Variants in DDX3X observed in about 807,000 individuals in gnomAD.
DDX3X encodes ATP-dependent RNA helicase DDX3X.
A neutral mutation model predicts 52.7 loss-of-function variants in DDX3X; 4 were observed. The ratio of observed to expected loss-of-function variants is 0.08; its 90% CI spans 0.04 to 0.17. The LOEUF (loss-of-function observed/expected upper bound fraction) is 0.17. DDX3X is among the 10% of genes least tolerant of loss of function. The probability of loss-of-function intolerance (pLI) is 1.00; values close to 1 mark genes in which losing one functional copy is unlikely to be tolerated. For missense variants in DDX3X, 222 were observed against 548.6 expected (o/e 0.40, Z 5.95); for synonymous variants, 192 against 178.1 (o/e 1.08, Z -0.62).
intron 1 of DDX3X, chrX:41,336,239 A>G (rs2063767673): frequency 8.9e-6 from 1 of 112,078 alleles, no homozygotes; most frequent in Non-Finnish European, 1.9e-5. Context: ...GAGAAAAATG[A>G]AACACTTTGC....
chrX:41,347,939 T>G lies in DDX3X; in HGVS notation c.*220T>G, dbSNP rs1216762770. The G allele has an allele frequency of 1.6e-5, 6 of 371,661 alleles. No homozygotes were observed. Among genetic ancestry groups the G allele is most frequent in the Non-Finnish European group, 2.8e-5 (6 of 217,003 alleles). 30.6% of individuals were successfully genotyped at this position (371,661 alleles called of 1,213,427 possible). ...AGGTGGTTTGAAGACTTCATTGCTGTAGTTTGGATTAACTCCCCTCCCGCC... is the reference window on the plus strand; with the variant it reads ...AGGTGGTTTGAAGACTTCATTGCTGGAGTTTGGATTAACTCCCCTCCCGCC... On this transcript the variant is annotated 3_prime_UTR_variant, in exon 17 of 17. Transcript: ENST00000644876.
rs1028310821 is a variant in DDX3X at position 41,349,769 on chromosome X, G to A, written c.*2050G>A. The stretch of plus-strand genomic sequence containing the variant: ...TTCTGATGTTAGTAAAAACAAAATT[G>A]GCGACTTGAAATTAAATCATGCCAA... On this transcript the variant is annotated 3_prime_UTR_variant, in exon 17 of 17. Coordinates refer to ENST00000644876, the MANE Select transcript of DDX3X (RefSeq NM_001356.5). The A allele has an allele frequency of 1.8e-5, 2 of 111,698 alleles. No homozygotes were observed. The highest frequency in any genetic ancestry group is 6.5e-5 in the African/African-American group (2 of 30,674). The allele number at this position is 111,698 out of a possible 1,213,427, so 9.2% of individuals were successfully genotyped here. A position where few individuals can be genotyped will look rare whatever the true frequency, so the allele number is the denominator to read the frequency against.
chrX:41,348,111 A>G lies in DDX3X; in HGVS notation c.*392A>G. 7.1e-6 allele frequency: 2 copies of G among 281,067 alleles called. No individual in the cohort carries two copies. The highest frequency in any genetic ancestry group is 1.2e-5 in the Non-Finnish European group (2 of 160,027). 23.2% of individuals were successfully genotyped at this position (281,067 alleles called of 1,213,427 possible). On this transcript the variant is annotated 3_prime_UTR_variant, in exon 17 of 17. Transcript: ENST00000644876. ...AGATATCAATTGTTTTGACAAAATA[A>G]ATTTACTGAACTTGGGCTAAAATCA...
downstream of DDX3X, among the ~76,000 whole-genome samples, chrX:41,351,934 C>T (rs186457629): frequency 1.8e-5 from 2 of 111,236 alleles, no homozygotes; most frequent in East Asian, 5.7e-4. Context: ...GAAAACAAAA[C>T]GGACCAATAC....
downstream of DDX3X, among the ~76,000 whole-genome samples, chrX:41,354,236 T>C (rs1184874968): frequency 1.8e-5 from 2 of 110,893 alleles, no homozygotes; most frequent in African/African-American, 3.3e-5. Flanking sequence ...GTTTTACTCA[T>C]TTGTATGCAG....
At chrX:41,355,055 G>A (rs962378668), downstream of DDX3X, among the ~76,000 whole-genome samples, 13 of 110,979 alleles carry the variant, frequency 1.2e-4, no homozygotes, top group South Asian at 1.1e-3. Context: ...TCCTGACCTC[G>A]GGTGATCCGC....
downstream of DDX3X, chrX:41,351,576 T>G (rs1481482931): frequency 8.9e-6 from 1 of 111,811 alleles, no homozygotes; most frequent in Non-Finnish European, 1.9e-5. Context: ...CTACTTATTG[T>G]AGGTACAGGG....
At chrX:41,354,412 C>T (rs2064000792), downstream of DDX3X, among the ~76,000 whole-genome samples, 1 of 99,088 alleles carries the variant, frequency 1.0e-5, no homozygotes, top group Non-Finnish European at 2.0e-5. Context: ...TAGCCTTGAC[C>T]TCCCAGGCTC....
At chrX:41,335,654 T>TA (rs2063755765) in intron 1 of DDX3X, 1 of 112,214 alleles carries the variant, frequency 8.9e-6, no homozygotes. Flanking sequence ...AGACGAAGTT[T>TA]AGTGGCACAA....
intron 1 of DDX3X, chrX:41,334,512 C>A (rs889110244): frequency 1.6e-5 from 18 of 1,093,714 alleles, no homozygotes; most frequent in Non-Finnish European, 2.1e-5. Flanking sequence ...GTCCCCGGGA[C>A]GAGCACAATG....
rs920217454 is a variant in DDX3X at position 41,349,879 on chromosome X, G to A, written c.*2160G>A. On this transcript the variant is annotated 3_prime_UTR_variant, in exon 17 of 17. Transcript: ENST00000644876. Reference sequence around the variant, plus strand: ...GTCCAGATTCTCAGATGTTTGTTGTGTGGATTTTGTTTAGTTGTGTGTTTT... The same window carrying A: ...GTCCAGATTCTCAGATGTTTGTTGTATGGATTTTGTTTAGTTGTGTGTTTT... 1 of 105,191 alleles carries A rather than the reference G, an allele frequency of 9.5e-6. No individual in the cohort carries two copies. The highest frequency in any genetic ancestry group is 3.5e-5 in the African/African-American group (1 of 28,651). 8.7% of individuals were successfully genotyped at this position (105,191 alleles called of 1,213,427 possible). A position where few individuals can be genotyped will look rare whatever the true frequency, so the allele number is the denominator to read the frequency against.
At chrX:41,353,297 C>CAAAAAA (rs61067509), downstream of DDX3X, among the ~76,000 whole-genome samples, 1 of 46,038 alleles carries the variant, frequency 2.2e-5, no homozygotes, top group Non-Finnish European at 4.0e-5. Flanking sequence ...ACTAAAAATA[C>CAAAAAA]AAAAAAAAAA....
chrX:41,350,593 A>T (rs1942684929), downstream of DDX3X: 1 of 111,472 alleles, frequency 9.0e-6, no homozygotes, highest in Non-Finnish European at 1.9e-5. Context: ...CAGTAGTCCA[A>T]CAAGTGATGG....
intron 3 of DDX3X, chrX:41,340,701 A>C: frequency 3.4e-6 from 1 of 292,946 alleles, no homozygotes; most frequent in Non-Finnish European, 6.0e-6. Context: ...ATTTGACATT[A>C]GTGTTCTTGT....
rs2063958696 is a variant in DDX3X, at chrX:41,348,921, CTGCT to C, written c.*1203_*1206del. ...TACATAACTGCACAAGGTGTCAATTCTGCTCTACAGTGCAGTTTTAGTCAGTTTT... is the reference window on the plus strand; with the variant it reads ...TACATAACTGCACAAGGTGTCAATTCCTACAGTGCAGTTTTAGTCAGTTTT... On this transcript the variant is annotated 3_prime_UTR_variant, in exon 17 of 17. Coordinates refer to ENST00000644876, the MANE Select transcript of DDX3X (RefSeq NM_001356.5). 1 of 112,431 alleles carries C rather than the reference CTGCT, an allele frequency of 8.9e-6. No individual in the cohort carries two copies. Among genetic ancestry groups the C allele is most frequent in the African/African-American group, 3.2e-5 (1 of 30,842 alleles). 9.3% of individuals were successfully genotyped at this position (112,431 alleles called of 1,213,427 possible).
chrX:41,353,422 T>C (rs1569244276), downstream of DDX3X, among the ~76,000 whole-genome samples: 1 of 108,346 alleles, frequency 9.2e-6, no homozygotes, highest in African/African-American at 3.4e-5. Flanking sequence ...GAGCTGAGAT[T>C]GTGCCACTGC....
intron 5 of DDX3X, among the ~76,000 whole-genome samples, chrX:41,358,311 C>T (rs777746463): frequency 9.2e-6 from 1 of 109,275 alleles, no homozygotes; most frequent in Non-Finnish European, 1.9e-5. Context: ...CCCCCGACCT[C>T]GTGGTCTGCC....
In DDX3X at chrX:41,346,260, G is replaced by A. The variant is rs2063922455; in HGVS notation, c.1347G>A (p.Glu449=). The A allele has an allele frequency of 6.6e-6, 8 of 1,209,390 alleles. No individual in the cohort carries two copies. In the East Asian group the frequency reaches 2.4e-4, roughly 36 times the overall value. ...GKDSLTLVFV[E]TKKGADSLED... ...ATTCACTGACCTTAGTGTTTGTGGAGACCAAAAAGGGTGCAGATTCTCTGG... is the reference window on the plus strand; with the variant it reads ...ATTCACTGACCTTAGTGTTTGTGGAAACCAAAAAGGGTGCAGATTCTCTGG... The change falls in exon 13 of 17, where the codon GAG becomes GAA. Residue 449 remains glutamate, a synonymous_variant. Coordinates refer to ENST00000644876, the MANE Select transcript of DDX3X (RefSeq NM_001356.5).
chrX:41,358,210 T>C (rs1405967019), intron 5 of DDX3X, among the ~76,000 whole-genome samples: 3 of 107,411 alleles, frequency 2.8e-5, no homozygotes, highest in Non-Finnish European at 5.7e-5. Context: ...CCTGAGTAGC[T>C]GGGATTACAG....
Sources: allele counts gnomAD v4.1 joint callset (sites outside exome capture counted in the v4.1 genomes callset), GRCh38; gene constraint gnomAD v4.1.1; transcripts MANE v1.5; gene names NCBI Gene and HGNC (gene_info 2026-07-23, HGNC 2026-07-21).